The following CCSER2 variants were observed in gnomAD, a reference collection of about 807,000 sequenced individuals.
CCSER2 encodes the protein coiled-coil serine rich protein 2, also known as serine-rich coiled-coil domain-containing protein 2.
A neutral mutation model predicts 92.3 loss-of-function variants in CCSER2; 46 were observed. The observed-to-expected ratio is 0.50, with a 90% CI of 0.39 to 0.64. The LOEUF is 0.64. CCSER2 is among the 30% of genes least tolerant of loss of function. The pLI is 0.00. For missense variants in CCSER2, 1,244 were observed against 1,238.9 expected, an observed-to-expected ratio of 1.00 and a Z score of -0.06; for synonymous variants, 433 against 431.4, an observed-to-expected ratio of 1.00 and a Z score of -0.04.
chr10:84,397,649 G>A (rs1841914905), intron 3 of CCSER2, among the ~76,000 whole-genome samples: 1 of 152,218 alleles, frequency 6.6e-6, no homozygotes, highest in African/African-American at 2.4e-5. Context: ...TCTGAAGCCT[G>A]TGAAGGCTGA....
chr10:84,340,425 C>A (rs1410922048), intron 1 of CCSER2, among the ~76,000 whole-genome samples: 1 of 151,754 alleles, frequency 6.6e-6, no homozygotes, highest in Non-Finnish European at 1.5e-5. Flanking sequence ...TTTGATTGAC[C>A]CATTTGGTTG....
intron 6 of CCSER2, among the ~76,000 whole-genome samples, chr10:84,446,390 C>T (rs1844917541): frequency 6.6e-6 from 1 of 152,106 alleles, no homozygotes; most frequent in Admixed American, 6.5e-5. Flanking sequence ...TTTTCCCTCA[C>T]ATAATTCTCC....
At chr10:84,456,688 T>A (rs1354919790) in intron 6 of CCSER2, among the ~76,000 whole-genome samples, 1 of 152,178 alleles carries the variant, frequency 6.6e-6, no homozygotes, top group African/African-American at 2.4e-5. Flanking sequence ...ACTATATCAT[T>A]TTGTATTGCC....
intron 3 of CCSER2, chr10:84,389,455 G>T: frequency 2.5e-6 from 1 of 404,958 alleles, no homozygotes; most frequent in South Asian, 1.9e-5. Flanking sequence ...CGTCAATCTG[G>T]GCCTGTCTAT....
At chr10:84,447,529 G>T (rs1329710940) in intron 6 of CCSER2, among the ~76,000 whole-genome samples, 4 of 152,074 alleles carry the variant, frequency 2.6e-5, no homozygotes, top group Non-Finnish European at 4.4e-5. Flanking sequence ...ATGAAAAAAA[G>T]TTCTTGGTTT....
intron 5 of CCSER2, among the ~76,000 whole-genome samples, chr10:84,429,400 G>T (rs944637490): frequency 6.6e-6 from 1 of 152,040 alleles, no homozygotes; most frequent in African/African-American, 2.4e-5. Context: ...TATATTGTAG[G>T]GAAGGTGTGT....
intron 3 of CCSER2, among the ~76,000 whole-genome samples, chr10:84,413,524 A>AG (rs1391900811): frequency 6.6e-6 from 1 of 152,038 alleles, no homozygotes; most frequent in Non-Finnish European, 1.5e-5. Flanking sequence ...TTATGATTTC[A>AG]GTTCTTTTGC....
At position 84,332,432 on chromosome 10, in the gene CCSER2, A is replaced by ATTTTTT. The variant is rs1461942069; in HGVS notation, c.-40+3625_-40+3626insTTTTTT. On this transcript the variant is annotated intron_variant, in intron 1 of 9. Transcript: ENST00000372088. ...TTTTTTTATATATATATATATATAT[A>ATTTTTT]TATATTTTTTTTTTTTTTTTTTTTT... Among the ~76,000 whole-genome samples the ATTTTTT allele has an allele frequency of 1.7e-3, 126 of 73,264 alleles. 1 individual carries two copies. The highest frequency in any genetic ancestry group is 5.0e-3 in the South Asian group (8 of 1,610). The allele number at this position is 73,264 out of a possible 152,430, so 48.1% of individuals were successfully genotyped here.
intron 3 of CCSER2, among the ~76,000 whole-genome samples, chr10:84,409,576 C>CT (rs397846732): frequency 0.21 from 31,345 of 147,928 alleles, 3,457 homozygotes; most frequent in Admixed American, 0.34. Context: ...TGATTGCTCT[C>CT]TTTTTTTTTT....
chr10:84,385,004 A>AACACACACACACACACAC lies in CCSER2; in HGVS notation c.1614+11202_1614+11219dup, dbSNP rs56977232. Among the ~76,000 whole-genome samples the AACACACACACACACACAC allele has an allele frequency of 8.7e-4, 127 of 145,882 alleles. 1 individual carries two copies. Among genetic ancestry groups the AACACACACACACACACAC allele is most frequent in the African/African-American group, 2.7e-3 (107 of 39,516 alleles). ...TGAGAGCTGAAATCAATTTACAATAAACACACACACACACACACACACACA... is the reference window on the plus strand; with the variant it reads ...TGAGAGCTGAAATCAATTTACAATAAACACACACACACACACACACACACACACACACACACACACACA... On this transcript the variant is annotated intron_variant, in intron 3 of 9. Transcript: ENST00000372088.
At chr10:84,495,740 A>G (rs1315309480) in intron 9 of CCSER2, among the ~76,000 whole-genome samples, 1 of 143,468 alleles carries the variant, frequency 7.0e-6, no homozygotes, top group Non-Finnish European at 1.5e-5. Context: ...TCTGAAGTCT[A>G]TTTGATAATA....
chr10:84,437,674 A>G (rs542454798), intron 5 of CCSER2, among the ~76,000 whole-genome samples: 3 of 150,644 alleles, frequency 2.0e-5, no homozygotes, highest in African/African-American at 7.3e-5. Context: ...ATGTTATTGT[A>G]TGAAACTGAA....
Position 84,463,926 on chromosome 10 carries a change from C to G in CCSER2, c.2065-7C>G. On this transcript the variant is annotated splice_region_variant and splice_polypyrimidine_tract_variant and intron_variant, in intron 6 of 9. Coordinates refer to ENST00000372088, the MANE Select transcript of CCSER2 (RefSeq NM_001284240.2). Reference sequence around the variant, plus strand: ...ATCTAGTGTTTTTCTTCCCTTCTTTCTGACAGCATGATGGAAGTGGTTCAT... The same window carrying G: ...ATCTAGTGTTTTTCTTCCCTTCTTTGTGACAGCATGATGGAAGTGGTTCAT... 1 of 1,592,630 alleles carries G rather than the reference C, an allele frequency of 6.3e-7. No individual in the cohort carries two copies. The highest frequency in any genetic ancestry group is 8.6e-7 in the Non-Finnish European group (1 of 1,161,590).
chr10:84,507,979 CT>C (rs1390602200), intron 9 of CCSER2, among the ~76,000 whole-genome samples: 1 of 152,080 alleles, frequency 6.6e-6, no homozygotes, highest in Admixed American at 6.6e-5. Flanking sequence ...TTATATCTGC[CT>C]GTAGTGTTTT....
At chr10:84,412,617 G>C (rs910280695) in intron 3 of CCSER2, among the ~76,000 whole-genome samples, 3 of 152,174 alleles carry the variant, frequency 2.0e-5, no homozygotes, top group Non-Finnish European at 4.4e-5. Flanking sequence ...GTTTGAGAGA[G>C]AAAGTGGGAC....
chr10:84,424,215 A>G (rs1843307433), intron 4 of CCSER2, among the ~76,000 whole-genome samples: 1 of 151,388 alleles, frequency 6.6e-6, no homozygotes, highest in Admixed American at 6.6e-5. Flanking sequence ...CTTATTTTCT[A>G]CTTCTGACAT....
Position 84,425,768 on chromosome 10 carries a change from C to G in CCSER2, c.1743C>G (p.Asp581Glu). 6.2e-7 allele frequency: 1 copy of G among 1,613,416 alleles called. No individual in the cohort carries two copies. Among genetic ancestry groups the G allele is most frequent in the Non-Finnish European group, 8.5e-7 (1 of 1,179,652 alleles). ...ATATGAACCGCTTTGACCGACCAGACAGAAATGTTCGGCAGCCTCAGGAAG... is the reference window on the plus strand; with the variant it reads ...ATATGAACCGCTTTGACCGACCAGAGAGAAATGTTCGGCAGCCTCAGGAAG... ...CDNMNRFDRP[D>E]RNVRQPQEGF... Residue 581 changes from aspartate (D) to glutamate (E), a missense_variant, in exon 5 of 10, where the codon GAC (aspartate) becomes GAG (glutamate). Transcript: ENST00000372088.
At chr10:84,427,737 A>G (rs548903997) in intron 5 of CCSER2, among the ~76,000 whole-genome samples, 22 of 152,162 alleles carry the variant, frequency 1.4e-4, no homozygotes, top group African/African-American at 2.9e-4. Context: ...ACCTTTTGAT[A>G]TGCTATCTGG....
At chr10:84,496,599 T>G (rs945335756) in intron 9 of CCSER2, among the ~76,000 whole-genome samples, 3 of 152,188 alleles carry the variant, frequency 2.0e-5, no homozygotes, top group Non-Finnish European at 4.4e-5. Context: ...CAGTCCTCCC[T>G]TTCTGATGGG....
Sources: gnomAD v4.1 joint callset for allele counts (sites outside exome capture counted in the v4.1 genomes callset) on GRCh38, gnomAD v4.1.1 for gene constraint, MANE v1.5 for transcripts, NCBI Gene and HGNC (gene_info 2026-07-23, HGNC 2026-07-21) for gene names.